KCNT2: variants seen among roughly 807,000 people sequenced by gnomAD.
The protein encoded by KCNT2 is potassium sodium-activated channel subfamily T member 2.
A neutral mutation model predicts 153.8 loss-of-function variants in KCNT2; 67 were observed. The ratio of observed to expected loss-of-function variants is 0.44; its 90% CI spans 0.36 to 0.53. The LOEUF (loss-of-function observed/expected upper bound fraction) is 0.53. Ranked by LOEUF, KCNT2 falls within the 20% of genes least tolerant of loss-of-function variation. The probability of loss-of-function intolerance (pLI) is 0.00; values close to 1 mark genes in which losing one functional copy is unlikely to be tolerated. For missense variants in KCNT2, 975 were observed against 1,354.8 expected (o/e 0.72, Z 4.40); for synonymous variants, 500 against 458.8 (o/e 1.09, Z -1.15).
chr1:196,593,828 G>A (rs553257954), intron 1 of KCNT2, among the ~76,000 whole-genome samples: 5 of 151,910 alleles, frequency 3.3e-5, no homozygotes, highest in African/African-American at 9.7e-5. Flanking sequence ...CTTAGAACAC[G>A]TTGTTTAGAT....
intron 22 of KCNT2, among the ~76,000 whole-genome samples, 184 bp from the exon 23 acceptor site, chr1:196,285,942 C>T (rs1659614232): frequency 6.6e-6 from 1 of 152,036 alleles, no homozygotes; most frequent in South Asian, 2.1e-4. Context: ...ACCACATTTT[C>T]TCAGTTAAAA....
chr1:196,491,215 T>C (rs1016259421), intron 2 of KCNT2, among the ~76,000 whole-genome samples: 4 of 151,996 alleles, frequency 2.6e-5, no homozygotes, highest in Non-Finnish European at 5.9e-5. Context: ...TCAGATGATG[T>C]GACCCCTTTA....
At chr1:196,390,592 T>A (rs898565178) in intron 13 of KCNT2, among the ~76,000 whole-genome samples, 1 of 151,504 alleles carries the variant, frequency 6.6e-6, no homozygotes, top group African/African-American at 2.4e-5. Context: ...GTTTTTTTTG[T>A]CCTCCTCACT....
At chr1:196,436,225 C>T (rs1674642516) in intron 8 of KCNT2, among the ~76,000 whole-genome samples, 1 of 151,496 alleles carries the variant, frequency 6.6e-6, no homozygotes, top group Non-Finnish European at 1.5e-5. Context: ...TTACTGGCAA[C>T]ACAACTGGAG....
chr1:196,457,566 A>T (rs1024988331), intron 8 of KCNT2, among the ~76,000 whole-genome samples: 9 of 137,592 alleles, frequency 6.5e-5, no homozygotes, highest in African/African-American at 2.5e-4. Context: ...TGGTGTGACA[A>T]CAACTATCAT....
chr1:196,434,342 C>T (rs1572435515), intron 8 of KCNT2, among the ~76,000 whole-genome samples: 1 of 151,904 alleles, frequency 6.6e-6, no homozygotes, highest in East Asian at 1.9e-4. Flanking sequence ...CTTGCTTTTG[C>T]TTGAGTCTGC....
At position 196,302,912 on chromosome 1, in the gene KCNT2, C is replaced by G. The variant is rs534701718; in HGVS notation, c.2595+2322G>C. On this transcript the variant is annotated intron_variant, in intron 22 of 27. Transcript: ENST00000294725. ...ACTATTTATTTTAATCCCACTTCCT[C>G]CAGCCTTCCTATCCCTGAATAATTT... Among the ~76,000 whole-genome samples, 32 of 152,092 alleles carry G rather than the reference C, an allele frequency of 2.1e-4. No individual in the cohort carries two copies. The South Asian group carries it at 6.6e-3, about 32-fold the overall frequency.
At chr1:196,405,975 C>T (rs1482619248) in intron 12 of KCNT2, among the ~76,000 whole-genome samples, 2 of 151,416 alleles carry the variant, frequency 1.3e-5, no homozygotes, top group South Asian at 2.1e-4. Flanking sequence ...TGAAAACATT[C>T]GAATGTATTG....
intron 1 of KCNT2, among the ~76,000 whole-genome samples, chr1:196,557,307 C>T (rs143523108): frequency 9.9e-5 from 15 of 151,182 alleles, no homozygotes; most frequent in Admixed American, 6.0e-4. Context: ...TTTAATAAAA[C>T]GTTCCTTGTT....
Position 196,256,275 on chromosome 1 carries a change from C to T in KCNT2, c.3211+1919G>A, listed in dbSNP as rs374148744. ...TTTTTAAGCCTGGTATATCCTTTTA[C>T]TCCCCCCAAAAAAGCTAACAGTTCT... is the stretch of plus-strand genomic sequence containing the variant. On this transcript the variant is annotated intron_variant, in intron 26 of 27. Coordinates refer to ENST00000294725, the MANE Select transcript of KCNT2 (RefSeq NM_198503.5). Among the ~76,000 whole-genome samples the T allele has an allele frequency of 2.6e-5, 4 of 151,874 alleles. No individual in the cohort carries two copies. The South Asian group carries it at 8.3e-4, about 31-fold the overall frequency.
At chr1:196,318,905 A>G (rs763908539) in intron 20 of KCNT2, among the ~76,000 whole-genome samples, 2 of 151,742 alleles carry the variant, frequency 1.3e-5, no homozygotes, top group Non-Finnish European at 2.9e-5. Context: ...CAAGTATATT[A>G]GCGTTTTGAT....
At chr1:196,504,345 T>C (rs970981633) in intron 1 of KCNT2, among the ~76,000 whole-genome samples, 1 of 151,920 alleles carries the variant, frequency 6.6e-6, no homozygotes, top group African/African-American at 2.4e-5. Context: ...TTTGGTTTTT[T>C]GTCCTTGTGA....
intron 1 of KCNT2, among the ~76,000 whole-genome samples, chr1:196,595,368 T>C (rs1235839262): frequency 6.6e-6 from 1 of 152,160 alleles, no homozygotes; most frequent in Non-Finnish European, 1.5e-5. Context: ...CTTGAGGTTA[T>C]TCATATGATA....
intron 17 of KCNT2, among the ~76,000 whole-genome samples, chr1:196,331,905 A>G (rs959172391): frequency 6.6e-6 from 1 of 152,118 alleles, no homozygotes; most frequent in African/African-American, 2.4e-5. Context: ...TTAAAACATT[A>G]TCAGAGAATT....
intron 8 of KCNT2, among the ~76,000 whole-genome samples, chr1:196,449,163 A>G (rs1299251800): frequency 1.3e-5 from 2 of 151,832 alleles, no homozygotes; most frequent in Admixed American, 6.6e-5. Flanking sequence ...AGTACTCTCA[A>G]TTGTCAATAT....
chr1:196,276,831 A>G (rs1658616304), intron 25 of KCNT2, among the ~76,000 whole-genome samples: 1 of 152,044 alleles, frequency 6.6e-6, no homozygotes, highest in African/African-American at 2.4e-5. Flanking sequence ...ATTGCTGTTG[A>G]GAAAACCCCA....
intron 2 of KCNT2, 102 bp from the exon 3 acceptor site, chr1:196,490,039 G>A (rs1022323582): frequency 7.3e-6 from 4 of 545,410 alleles, no homozygotes; most frequent in African/African-American, 2.0e-5. Flanking sequence ...CACTTAAATT[G>A]TATTTAGAAG....
intron 14 of KCNT2, among the ~76,000 whole-genome samples, chr1:196,360,475 T>C (rs1489507133): frequency 1.3e-5 from 2 of 152,092 alleles, no homozygotes; most frequent in South Asian, 2.1e-4. Flanking sequence ...CTCCAGGGTG[T>C]TCCTCAGCCA....
At chr1:196,382,289 A>G (rs2148373880) in intron 13 of KCNT2, among the ~76,000 whole-genome samples, 1 of 150,744 alleles carries the variant, frequency 6.6e-6, no homozygotes, top group African/African-American at 2.4e-5. Context: ...TTGTATTTTT[A>G]GTAGAGACGG....
Sources: gnomAD v4.1 joint callset for allele counts (sites outside exome capture counted in the v4.1 genomes callset) on GRCh38, gnomAD v4.1.1 for gene constraint, MANE v1.5 for transcripts, NCBI Gene and HGNC (gene_info 2026-07-23, HGNC 2026-07-21) for gene names.